Variants in SLC28A2 observed in about 807,000 individuals in gnomAD.
SLC28A2 encodes the protein solute carrier family 28 member 2.
SLC28A2 carries 69 observed loss-of-function variants against 72.9 expected under a neutral mutation model. The ratio of observed to expected loss-of-function variants is 0.95; its 90% CI spans 0.78 to 1.16. SLC28A2 has a LOEUF of 1.16. SLC28A2 is among the 50% of genes most tolerant of loss of function. The probability of loss-of-function intolerance (pLI) is 0.00; values close to 1 mark genes in which losing one functional copy is unlikely to be tolerated. For synonymous variants in SLC28A2, 296 were observed against 294.1 expected, an observed-to-expected ratio of 1.01 and a Z score of -0.07; for missense variants, 745 against 791.1, an observed-to-expected ratio of 0.94 and a Z score of 0.70.
chr15:45,272,414 G>A (rs1900604022), intron 16 of SLC28A2, 21 bp downstream of exon 16: 1 of 1,556,300 alleles, frequency 6.4e-7, no homozygotes, highest in Non-Finnish European at 8.9e-7. Context: ...CAGCTCTGAT[G>A]GAGATACTGC....
In SLC28A2 at chr15:45,263,781, A is replaced by G. The variant is rs549024601; in HGVS notation, c.447-100A>G. ...AACAATGGCACATGCATGGCCTTTG[A>G]TCACAGGCCAGGAGTGAGAGAATAA... On this transcript the variant is annotated intron_variant, in intron 5 of 17. Coordinates refer to ENST00000347644, the MANE Select transcript of SLC28A2 (RefSeq NM_004212.4). 9.0e-5 allele frequency: 112 copies of G among 1,239,794 alleles called. No homozygotes were observed. The Middle Eastern group carries it at 2.2e-3, about 24-fold the overall frequency. The allele number at this position is 1,239,794 out of a possible 1,614,324, so 76.8% of individuals were successfully genotyped here.
At position 45,275,618 on chromosome 15, in the gene SLC28A2, A is replaced by C. The variant is rs1477682976; in HGVS notation, c.*105A>C. 7.1e-6 allele frequency: 5 copies of C among 701,656 alleles called. No homozygotes were observed. The highest frequency in any genetic ancestry group is 1.7e-5 in the South Asian group (1 of 58,448). The allele number at this position is 701,656 out of a possible 1,614,324, so 43.5% of individuals were successfully genotyped here. A position where few individuals can be genotyped will look rare whatever the true frequency, so the allele number is the denominator to read the frequency against. ...CACAACTCACTCACCAAGATGTTTAACAGTAAGTAACAGTAAATGTAAAAG... is the reference window on the plus strand; with the variant it reads ...CACAACTCACTCACCAAGATGTTTACCAGTAAGTAACAGTAAATGTAAAAG... On this transcript the variant is annotated 3_prime_UTR_variant, in exon 18 of 18. Transcript: ENST00000347644.
At position 45,252,241 on chromosome 15, in the gene SLC28A2, C is replaced by T. The variant is rs907079686; in HGVS notation, c.-54C>T. The T allele has an allele frequency of 2.2e-6, 1 of 455,738 alleles. No homozygotes were observed. The highest frequency in any genetic ancestry group is 4.4e-6 in the Non-Finnish European group (1 of 226,790). The allele number at this position is 455,738 out of a possible 1,614,324, so 28.2% of individuals were successfully genotyped here. On this transcript the variant is annotated 5_prime_UTR_variant, in exon 1 of 18. Coordinates refer to ENST00000347644, the MANE Select transcript of SLC28A2 (RefSeq NM_004212.4). The stretch of plus-strand genomic sequence containing the variant: ...CAGCTGAGCTTTTCTTTCAGTCCTT[C>T]ACTGAGGAGCCAGAGGGAATCAATT...
chr15:45,263,846 G>A, intron 5 of SLC28A2, 35 bp from the exon 6 acceptor site: 1 of 1,583,530 alleles, frequency 6.3e-7, no homozygotes, highest in Non-Finnish European at 8.6e-7. Context: ...TTCATTCACT[G>A]GGTTGATGAC....
chr15:45,275,446 A>G lies in SLC28A2; in HGVS notation c.1910A>G (p.Asp637Gly). The G allele has an allele frequency of 6.2e-7, 1 of 1,613,940 alleles. No individual in the cohort carries two copies. The highest frequency in any genetic ancestry group is 8.5e-7 in the Non-Finnish European group (1 of 1,179,852). ...NPPSFSGPWE[D>G]KEFSAMALTN... ...CCTTCTTTTTCTGGTCCCTGGGAAG[A>G]TAAGGAGTTCAGTGCTATGGCCCTT... The change falls in exon 18 of 18, where the codon GAT becomes GGT. Residue 637 changes from aspartate (D) to glycine (G), a missense_variant. Transcript: ENST00000347644.
chr15:45,268,593 G>A (rs944780380), intron 13 of SLC28A2, among the ~76,000 whole-genome samples: 6 of 152,188 alleles, frequency 3.9e-5, no homozygotes, highest in African/African-American at 1.4e-4. Flanking sequence ...TTCAACTATT[G>A]TGGAAGTCAG....
rs1396247919 is a variant in SLC28A2 at position 45,266,088 on chromosome 15, G to C, written c.869G>C (p.Trp290Ser). 6.2e-7 allele frequency: 1 copy of C among 1,612,190 alleles called. No individual in the cohort carries two copies. The highest frequency in any genetic ancestry group is 8.5e-7 in the Non-Finnish European group (1 of 1,178,282). ...LVQWVVQKVA[W>S]FLQITMGTTA... Reference sequence around the variant, plus strand: ...GTTTCTGTATTCTTCTAGGTCGCCTGGTTTTTACAAATCACTATGGGCACC... The same window carrying C: ...GTTTCTGTATTCTTCTAGGTCGCCTCGTTTTTACAAATCACTATGGGCACC... The change falls in exon 10 of 18, where the codon TGG becomes TCG. Residue 290 changes from tryptophan to serine, a missense_variant. Coordinates refer to ENST00000347644, the MANE Select transcript of SLC28A2 (RefSeq NM_004212.4).
intron 12 of SLC28A2, 104 bp downstream of exon 12, chr15:45,267,900 T>TCCC: frequency 1.5e-6 from 2 of 1,346,668 alleles, no homozygotes; most frequent in Non-Finnish European, 2.1e-6. Context: ...ATAATGTGAT[T>TCCC]CCATATTCCT....
intron 8 of SLC28A2, 56 bp downstream of exon 8, chr15:45,265,222 G>A: frequency 8.4e-7 from 1 of 1,192,458 alleles, no homozygotes; most frequent in Non-Finnish European, 1.3e-6. Context: ...GAGGAATAAA[G>A]CAGAGGATGA....
intron 3 of SLC28A2, 66 bp downstream of exon 3, chr15:45,253,586 C>A: frequency 1.0e-6 from 1 of 987,882 alleles, no homozygotes; most frequent in Non-Finnish European, 1.6e-6. Context: ...CTTCAGGCAG[C>A]TTGTGGTATT....
At position 45,253,523 on chromosome 15, in the gene SLC28A2, A is replaced by C. The variant is rs1239176407; in HGVS notation, c.170+3A>C. 6.2e-7 allele frequency: 1 copy of C among 1,604,046 alleles called. No homozygotes were observed. Among genetic ancestry groups the C allele is most frequent in the South Asian group, 1.1e-5 (1 of 90,738 alleles). On this transcript the variant is annotated splice_donor_region_variant and intron_variant, in intron 3 of 17. Coordinates refer to ENST00000347644, the MANE Select transcript of SLC28A2 (RefSeq NM_004212.4). The stretch of plus-strand genomic sequence containing the variant: ...CTGGGCCCTTCCACTTACCAGAGGT[A>C]CTGGTGTTTTGGAATCTTGTTCAGT...
At chr15:45,259,394 C>T (rs8039138) in intron 3 of SLC28A2, among the ~76,000 whole-genome samples, 71,959 of 151,956 alleles carry the variant, frequency 0.47, 20,719 homozygotes, top group Non-Finnish European at 0.67. Context: ...TAATCTTGAA[C>T]TATTGGGCTC....
At chr15:45,255,816 T>G (rs1019128197) in intron 3 of SLC28A2, 3 of 152,214 alleles carry the variant, frequency 2.0e-5, no homozygotes, top group African/African-American at 7.2e-5. Context: ...TACCTTTGTC[T>G]TTAATGTAAT....
At chr15:45,258,267 ATTATTATTC>A (rs901163441) in intron 3 of SLC28A2, among the ~76,000 whole-genome samples, 1 of 108,850 alleles carries the variant, frequency 9.2e-6, no homozygotes, top group Non-Finnish European at 2.7e-5. Context: ...TTATTTTATT[ATTATTATTC>A]TTAATTTATG....
chr15:45,254,769 T>A (rs964950652), intron 3 of SLC28A2, among the ~76,000 whole-genome samples: 1 of 152,244 alleles, frequency 6.6e-6, no homozygotes, highest in Non-Finnish European at 1.5e-5. Context: ...TTAATTGTTT[T>A]ATTCACAATT....
chr15:45,258,986 C>T (rs959887125), intron 3 of SLC28A2, among the ~76,000 whole-genome samples: 10 of 152,072 alleles, frequency 6.6e-5, no homozygotes, highest in African/African-American at 2.4e-4. Context: ...TTCATTGTCT[C>T]CATTGTATGT....
Position 45,272,275 on chromosome 15 carries a change from TTTTA to T in SLC28A2, c.1649-16_1649-13del. Reference sequence around the variant, plus strand: ...CCTTGGTGGGGAAAAGCTGAAGTTATTTTATTTTATTGTCTGCAGCATCAATAGT... The same window carrying T: ...CCTTGGTGGGGAAAAGCTGAAGTTATTTTTATTGTCTGCAGCATCAATAGT... On this transcript the variant is annotated splice_polypyrimidine_tract_variant and intron_variant, in intron 15 of 17. Transcript: ENST00000347644. The T allele has an allele frequency of 1.2e-6, 2 of 1,604,790 alleles. No homozygotes were observed. Among genetic ancestry groups the T allele is most frequent in the Non-Finnish European group, 1.7e-6 (2 of 1,173,716 alleles).
intron 17 of SLC28A2, among the ~76,000 whole-genome samples, chr15:45,273,608 T>A (rs1417140099): frequency 6.6e-6 from 1 of 152,214 alleles, no homozygotes; most frequent in Non-Finnish European, 1.5e-5. Flanking sequence ...AACACTGGCA[T>A]GATCAACTAT....
At chr15:45,261,949 T>G in intron 3 of SLC28A2, 66 bp from the exon 4 acceptor site, 2 of 994,836 alleles carry the variant, frequency 2.0e-6, no homozygotes, top group South Asian at 2.6e-5. Context: ...ATCTGAATTC[T>G]GAGAGTTGAA....
Sources: allele counts gnomAD v4.1 joint callset (sites outside exome capture counted in the v4.1 genomes callset), GRCh38; gene constraint gnomAD v4.1.1; transcripts MANE v1.5; gene names NCBI Gene and HGNC (gene_info 2026-07-23, HGNC 2026-07-21).